SHLD2: variants seen among roughly 807,000 people sequenced by gnomAD.
SHLD2 encodes the protein RINN1-REV7-interacting novel NHEJ regulator 2.
SHLD2 carries 30 observed loss-of-function variants against 73.2 expected under a neutral mutation model. That is an observed-to-expected ratio of 0.41 (90% confidence interval 0.31 to 0.56). The LOEUF (loss-of-function observed/expected upper bound fraction) is 0.56, where lower values mean the gene tolerates loss of function less well. Among genes scored for constraint, SHLD2 ranks in the 20% least tolerant of loss-of-function variants. SHLD2 has a pLI of 0.28. For synonymous variants in SHLD2, 285 were observed against 370.1 expected (o/e 0.77, Z 2.64); for missense variants, 745 against 1,055.9 (o/e 0.71, Z 4.08).
rs193279383 is a variant in SHLD2, at chr10:87,176,038, G to A, written c.2113G>A (p.Ala705Thr). Reference sequence around the variant, plus strand: ...ATTTAAAGCAAAATTTCAAAAAAGTGCACCCTCCTTTGTGAAGATATCAGA... The same window carrying A: ...ATTTAAAGCAAAATTTCAAAAAAGTACACCCTCCTTTGTGAAGATATCAGA... The part of the protein sequence containing the change: ...ITFKAKFQKS[A>T]PSFVKISDLA... Residue 705 changes from alanine (A) to threonine (T), a missense_variant, in exon 7 of 10, where the codon GCA becomes ACA. Physicochemically the swap from Ala to Thr is moderately conservative, Grantham distance 58 (BLOSUM62 0). Coordinates refer to ENST00000298786, the MANE Select transcript of SHLD2 (RefSeq NM_001330112.2). 1.1e-3 allele frequency: 1,687 copies of A among 1,548,406 alleles called. 18 individuals are homozygous for A. The African/African-American group carries it at 0.021, about 19-fold the overall frequency.
chr10:87,105,876 G>C (rs1455617636), intron 2 of SHLD2, among the ~76,000 whole-genome samples: 1 of 152,218 alleles, frequency 6.6e-6, no homozygotes, highest in Non-Finnish European at 1.5e-5. Flanking sequence ...CTAGGATTGG[G>C]TTGGTTACAT....
At chr10:87,147,083 AAAAAAC>A (rs1845677098) in intron 2 of SHLD2, among the ~76,000 whole-genome samples, 3 of 150,306 alleles carry the variant, frequency 2.0e-5, no homozygotes, top group Non-Finnish European at 4.4e-5. Flanking sequence ...AAAAAAAAAA[AAAAAAC>A]AAAAAAACCT....
upstream of SHLD2, chr10:87,095,126 T>C (rs1438471205): frequency 1.8e-5 from 1 of 54,672 alleles, no homozygotes; most frequent in East Asian, 6.3e-4. Flanking sequence ...GGGAGGAGAG[T>C]GGAGGGGAAC....
intron 2 of SHLD2, among the ~76,000 whole-genome samples, chr10:87,141,187 G>T (rs1286662938): frequency 6.6e-6 from 1 of 152,174 alleles, no homozygotes; most frequent in Non-Finnish European, 1.5e-5. Flanking sequence ...TGGCTAAGGT[G>T]GGAGGATTGC....
At chr10:87,122,250 A>C (rs564226216) in intron 2 of SHLD2, among the ~76,000 whole-genome samples, 1 of 151,728 alleles carries the variant, frequency 6.6e-6, no homozygotes, top group Admixed American at 6.6e-5. Context: ...GCTACAGCAG[A>C]CCAAGGTATC....
chr10:87,151,748 T>C lies in SHLD2; in HGVS notation c.394T>C (p.Phe132Leu), dbSNP rs781159357. ...TGGATTTAAAAGCACAGTTCCGCAT[T>C]TCACCGAAGAAGAAAAGTATCAAAA... ...ICGFKSTVPH[F>L]TEEEKYQKLL... is the part of the protein sequence containing the mutation. The change falls in exon 3 of 10, where the codon TTC becomes CTC. Residue 132 changes from phenylalanine (F) to leucine (L), a missense_variant. By Grantham distance (22) the Phe-to-Leu change is conservative. Transcript: ENST00000298786. 6 of 1,611,978 alleles carry C rather than the reference T, an allele frequency of 3.7e-6. No individual in the cohort carries two copies. The East Asian group carries it at 1.3e-4, about 36-fold the overall frequency.
chr10:87,190,511 T>C lies in SHLD2; in HGVS notation c.2543T>C (p.Met848Thr). ...IVPSSEITYG[M>T]VVADLFHSLL... ...CCTTCCTCAGAGATCACCTATGGGA[T>C]GGTCGTGGCAGACCTGTTCCACTCC... The change falls in exon 10 of 10, where the codon ATG (methionine) becomes ACG (threonine). Residue 848 changes from methionine to threonine, a missense_variant. Coordinates refer to ENST00000298786, the MANE Select transcript of SHLD2 (RefSeq NM_001330112.2). 6.2e-7 allele frequency: 1 copy of C among 1,612,016 alleles called. No homozygotes were observed. The highest frequency in any genetic ancestry group is 8.5e-7 in the Non-Finnish European group (1 of 1,179,842).
At position 87,106,217 on chromosome 10, in the gene SHLD2, C is replaced by G. The variant is rs560992938; in HGVS notation, c.-6+9228C>G. ...ACGGGGTTTCACCATGTTGGCCAGG[C>G]TGGTCTTGAACTCCTGATCTCAGGT... On this transcript the variant is annotated intron_variant, in intron 2 of 9. Transcript: ENST00000298786. Among the ~76,000 whole-genome samples, 4 of 152,282 alleles carry G rather than the reference C, an allele frequency of 2.6e-5. No individual in the cohort carries two copies. In the South Asian group the frequency reaches 6.2e-4, roughly 24 times the overall value.
chr10:87,185,888 T>C (rs1384791215), intron 8 of SHLD2, among the ~76,000 whole-genome samples: 1 of 152,210 alleles, frequency 6.6e-6, no homozygotes, highest in African/African-American at 2.4e-5. Flanking sequence ...TTCTTCTTTT[T>C]GTAGAGATGA....
chr10:87,178,125 A>G (rs1017585478), intron 7 of SHLD2, among the ~76,000 whole-genome samples: 1 of 147,818 alleles, frequency 6.8e-6, no homozygotes, highest in African/African-American at 2.5e-5. Context: ...AGTCCCAGCT[A>G]CTTGGGAGGC....
At chr10:87,099,649 C>T (rs948880174) in intron 2 of SHLD2, among the ~76,000 whole-genome samples, 1 of 152,134 alleles carries the variant, frequency 6.6e-6, no homozygotes, top group African/African-American at 2.4e-5. Context: ...GTTTTCAGTT[C>T]TCTTGGGTGC....
Position 87,151,883 on chromosome 10 carries a change from G to C in SHLD2, c.529G>C (p.Val177Leu), listed in dbSNP as rs1280372255. Residue 177 changes from valine (V) to leucine (L), a missense_variant, in exon 3 of 10, where the codon GTG (valine) becomes CTG (leucine). Val to Leu is a conservative substitution (Grantham distance 32, BLOSUM62 1). This residue lies in a region of SHLD2 where 280 missense variants were observed against 353.9 expected (regional missense o/e 0.79). Transcript: ENST00000298786. ...TCAGTTGGGCCATAAATGTGCAGCTGTGTTGGATTTGGTTTGTAGTACTGA... is the reference window on the plus strand; with the variant it reads ...TCAGTTGGGCCATAAATGTGCAGCTCTGTTGGATTTGGTTTGTAGTACTGA... ...LFQLGHKCAA[V>L]LDLVCSTEKI... The C allele has an allele frequency of 1.2e-6, 2 of 1,611,606 alleles. No individual in the cohort carries two copies. The highest frequency in any genetic ancestry group is 2.2e-5 in the East Asian group (1 of 44,860).
intron 4 of SHLD2, among the ~76,000 whole-genome samples, chr10:87,169,766 G>GA (rs1309487634): frequency 2.0e-5 from 3 of 151,310 alleles, no homozygotes; most frequent in Non-Finnish European, 2.9e-5. Flanking sequence ...TAAAAAGTGA[G>GA]AAAAAAAATG....
At chr10:87,188,745 C>T (rs1389159979) in intron 9 of SHLD2, among the ~76,000 whole-genome samples, 1 of 152,184 alleles carries the variant, frequency 6.6e-6, no homozygotes, top group Non-Finnish European at 1.5e-5. Context: ...CTGGAGGCAC[C>T]TGTCTCCTTA....
intron 2 of SHLD2, among the ~76,000 whole-genome samples, chr10:87,106,532 T>C (rs1842607411): frequency 6.6e-6 from 1 of 152,226 alleles, no homozygotes; most frequent in African/African-American, 2.4e-5. Context: ...TATACAATGA[T>C]AACAGTTTTA....
At chr10:87,135,341 T>C (rs1002869364) in intron 2 of SHLD2, among the ~76,000 whole-genome samples, 3 of 152,186 alleles carry the variant, frequency 2.0e-5, no homozygotes, top group African/African-American at 7.2e-5. Context: ...CTTGAGCTTC[T>C]CATCTCTTGT....
At chr10:87,143,087 AC>A (rs1190361751) in intron 2 of SHLD2, among the ~76,000 whole-genome samples, 1 of 150,714 alleles carries the variant, frequency 6.6e-6, no homozygotes, top group Non-Finnish European at 1.5e-5. Flanking sequence ...ATACCACCCT[AC>A]CCAGCAATTT....
chr10:87,185,263 A>C (rs545762435), intron 8 of SHLD2, among the ~76,000 whole-genome samples: 7 of 152,156 alleles, frequency 4.6e-5, no homozygotes, highest in Non-Finnish European at 7.3e-5. Context: ...TTTTATTGCA[A>C]AATAATATTG....
intron 2 of SHLD2, among the ~76,000 whole-genome samples, chr10:87,128,891 A>G (rs1844227382): frequency 6.6e-6 from 1 of 151,878 alleles, no homozygotes; most frequent in African/African-American, 2.4e-5. Flanking sequence ...TTATTTATGT[A>G]TTTTTAAATT....
Sources: allele counts gnomAD v4.1 joint callset (sites outside exome capture counted in the v4.1 genomes callset), GRCh38; gene constraint gnomAD v4.1.1; regional missense constraint gnomAD v4.1.1; transcripts MANE v1.5; gene names NCBI Gene and HGNC (gene_info 2026-07-23, HGNC 2026-07-21).